Variants in LRP2 observed in about 807,000 individuals in gnomAD.
The protein encoded by LRP2 is LDL receptor related protein 2.
In LRP2, 172 loss-of-function variants were observed where a neutral mutation model predicts 531.0. That is an observed-to-expected ratio of 0.32 (90% confidence interval 0.29 to 0.37). The LOEUF is 0.37. LRP2 is among the 10% of genes least tolerant of loss of function. The pLI is 1.00. For synonymous variants in LRP2, 1,992 were observed against 2,027.6 expected (o/e 0.98, Z 0.47); for missense variants, 5,167 against 5,868.3 (o/e 0.88, Z 3.90).
At chr2:169,222,443 C>T (rs1250912843) in intron 33 of LRP2, among the ~76,000 whole-genome samples, 2 of 152,108 alleles carry the variant, frequency 1.3e-5, no homozygotes, top group Non-Finnish European at 2.9e-5. Flanking sequence ...AATGCATTTC[C>T]ATGTTTCAGG....
chr2:169,362,186 A>T, intron 1 of LRP2, 135 bp downstream of exon 1: 2 of 692,308 alleles, frequency 2.9e-6, no homozygotes, highest in Non-Finnish European at 4.6e-6. Flanking sequence ...TGAGCGCCCC[A>T]CCGGGAGCAG....
chr2:169,297,388 G>T (rs142876520), intron 4 of LRP2, among the ~76,000 whole-genome samples: 510 of 152,244 alleles, frequency 3.3e-3, no homozygotes, highest in African/African-American at 0.011. Context: ...AAGAATTTAA[G>T]TATAGGGTAA....
rs1407557243 is a variant in LRP2 at position 169,279,602 on chromosome 2, G to T, written c.1342-7C>A. On this transcript the variant is annotated splice_polypyrimidine_tract_variant and splice_region_variant and intron_variant, in intron 11 of 78. Coordinates refer to ENST00000649046, the MANE Select transcript of LRP2 (RefSeq NM_004525.3). ...TAATGTCAACTGAAAAAACCTGAAA[G>T]AAAAACCAAAATTATTATATTTCTT... 1 of 1,555,620 alleles carries T rather than the reference G, an allele frequency of 6.4e-7. No individual in the cohort carries two copies. The highest frequency in any genetic ancestry group is 1.7e-5 in the Admixed American group (1 of 59,782).
chr2:169,209,423 CAT>C, intron 38 of LRP2, 28 bp downstream of exon 38: 2 of 1,605,292 alleles, frequency 1.2e-6, no homozygotes, highest in Non-Finnish European at 1.7e-6. Flanking sequence ...GAGATGCAAA[CAT>C]ATTAAAATCA....
At chr2:169,278,238 A>C (rs571394130) in intron 12 of LRP2, among the ~76,000 whole-genome samples, 2 of 152,266 alleles carry the variant, frequency 1.3e-5, no homozygotes, top group Admixed American at 6.5e-5. Context: ...TGGTCCTAGC[A>C]CTTTGGGAGG....
rs572234126 is a variant in LRP2 at position 169,267,141 on chromosome 2, C to T, written c.2320+3763G>A. On this transcript the variant is annotated intron_variant, in intron 16 of 78. Coordinates refer to ENST00000649046, the MANE Select transcript of LRP2 (RefSeq NM_004525.3). ...CCGGCCTCAAGCAATCCTCCCGTCT[C>T]GGTTCCCAAAAATAACGTGTTTCTA... Among the ~76,000 whole-genome samples the T allele has an allele frequency of 7.9e-5, 12 of 151,806 alleles. No homozygotes were observed. In the South Asian group the frequency reaches 2.1e-3, roughly 26 times the overall value.
chr2:169,157,561 T>C, intron 63 of LRP2, 59 bp from the exon 64 acceptor site: 1 of 1,600,050 alleles, frequency 6.2e-7, no homozygotes, highest in Admixed American at 1.7e-5. Flanking sequence ...AGTCAAGTGG[T>C]GTATCAAAAG....
intron 18 of LRP2, 129 bp from the exon 19 acceptor site, chr2:169,256,365 T>C (rs2105405995): frequency 1.6e-6 from 1 of 606,494 alleles, no homozygotes; most frequent in South Asian, 2.9e-5. Flanking sequence ...ATTTAAATTA[T>C]ATTCATTAAA....
At chr2:169,320,331 G>A (rs1219492100) in intron 2 of LRP2, among the ~76,000 whole-genome samples, 1 of 152,104 alleles carries the variant, frequency 6.6e-6, no homozygotes, top group East Asian at 1.9e-4. Context: ...ATTTCTTTAT[G>A]GTAATTGACA....
At position 169,136,605 on chromosome 2, in the gene LRP2, T is replaced by TC. The variant is rs548618076; in HGVS notation, c.13620+786dup. Among the ~76,000 whole-genome samples, 4 of 152,210 alleles carry TC rather than the reference T, an allele frequency of 2.6e-5. No homozygotes were observed. The South Asian group carries it at 8.3e-4, about 32-fold the overall frequency. ...TTGTGAAATTCCTTTTCCTGGCTCA[T>TC]CTGGCTCAAAAACTCCCCCCCACTG... On this transcript the variant is annotated intron_variant, in intron 76 of 78. Transcript: ENST00000649046.
In LRP2 at chr2:169,229,948, A is replaced by G. The variant is rs369423399; in HGVS notation, c.5227+1766T>C. Among the ~76,000 whole-genome samples the G allele has an allele frequency of 9.9e-5, 15 of 151,570 alleles. 1 individual carries two copies. Among genetic ancestry groups the G allele is most frequent in the African/African-American group, 2.4e-4 (10 of 41,310 alleles). ...AAGTTTTCTAAACTTCTTGTTGGGGAAAAAAAAATGTGGAAACCTTTTTTC... is the reference window on the plus strand; with the variant it reads ...AAGTTTTCTAAACTTCTTGTTGGGGGAAAAAAAATGTGGAAACCTTTTTTC... On this transcript the variant is annotated intron_variant, in intron 31 of 78. Coordinates refer to ENST00000649046, the MANE Select transcript of LRP2 (RefSeq NM_004525.3).
chr2:169,197,665 A>C (rs752542667), intron 45 of LRP2, among the ~76,000 whole-genome samples: 1 of 152,174 alleles, frequency 6.6e-6, no homozygotes, highest in Non-Finnish European at 1.5e-5. Flanking sequence ...CTGGTCTATA[A>C]GGCCGTTTTG....
intron 68 of LRP2, among the ~76,000 whole-genome samples, chr2:169,150,264 C>T (rs1395150892): frequency 6.6e-6 from 1 of 152,146 alleles, no homozygotes; most frequent in African/African-American, 2.4e-5. Flanking sequence ...ATTCAAAAAA[C>T]TTTTTTAAAG....
Position 169,177,817 on chromosome 2 carries a change from T to C in LRP2, c.10379A>G (p.Tyr3460Cys). The C allele has an allele frequency of 6.2e-7, 1 of 1,614,208 alleles. No individual in the cohort carries two copies. Among genetic ancestry groups the C allele is most frequent in the East Asian group, 2.2e-5 (1 of 44,890 alleles). Residue 3460 changes from tyrosine (Y) to cysteine (C), a missense_variant, in exon 53 of 79, where the codon TAT becomes TGT. By Grantham distance (194) the Tyr-to-Cys change is radical. Coordinates refer to ENST00000649046, the MANE Select transcript of LRP2 (RefSeq NM_004525.3). ...CACCTACTCACCAATGGGCTGCCTA[T>C]ATGGATGGTACACATGGATGTCAAA... ...RPFDIHVYHP[Y>C]RQPIVSNPCG...
rs151286117 is a variant in LRP2 at position 169,168,584 on chromosome 2, C to T, written c.11590G>A (p.Asp3864Asn). ...CIPPYWKCDG[D>N]DDCGDGSDEE... ...TCTGAACCATCGCCACAGTCATCAT[C>T]GCCATCACATTTCCAATATGGCGGG... Residue 3864 changes from aspartate (D) to asparagine (N), a missense_variant, in exon 61 of 79, where the codon GAT (aspartate) becomes AAT (asparagine). Transcript: ENST00000649046. 3.7e-5 allele frequency: 60 copies of T among 1,614,014 alleles called. 1 individual carries two copies. The highest frequency in any genetic ancestry group is 3.3e-4 in the South Asian group (30 of 91,086).
At chr2:169,361,358 C>CTGTT (rs762734016) in intron 1 of LRP2, among the ~76,000 whole-genome samples, 1 of 127,522 alleles carries the variant, frequency 7.8e-6, no homozygotes, top group Admixed American at 7.8e-5. Flanking sequence ...CTGTCTCTCT[C>CTGTT]TCTCTCTCTC....
chr2:169,245,124 A>G (rs1211027091), intron 21 of LRP2, among the ~76,000 whole-genome samples, 192 bp from the exon 22 acceptor site: 1 of 152,202 alleles, frequency 6.6e-6, no homozygotes, highest in African/African-American at 2.4e-5. Flanking sequence ...TATCATAGAA[A>G]AGGCATTTTT....
chr2:169,296,859 C>T (rs1456872062), intron 4 of LRP2, among the ~76,000 whole-genome samples: 1 of 152,244 alleles, frequency 6.6e-6, no homozygotes, highest in East Asian at 1.9e-4. Flanking sequence ...AGAAGCCCAG[C>T]TTGATATCAT....
At chr2:169,261,440 G>T (rs1299201621) in intron 16 of LRP2, among the ~76,000 whole-genome samples, 1 of 150,836 alleles carries the variant, frequency 6.6e-6, no homozygotes, top group Admixed American at 6.6e-5. Flanking sequence ...ATCCTCCCAA[G>T]TATCTGGCAC....
Sources: allele counts gnomAD v4.1 joint callset (sites outside exome capture counted in the v4.1 genomes callset), GRCh38; gene constraint gnomAD v4.1.1; transcripts MANE v1.5; gene names NCBI Gene and HGNC (gene_info 2026-07-23, HGNC 2026-07-21).